The following MAGI1 variants were observed in gnomAD, a reference collection of about 807,000 sequenced individuals.
MAGI1 encodes membrane-associated guanylate kinase, WW and PDZ domain-containing protein 1.
MAGI1 carries 58 observed loss-of-function variants against 139.9 expected under a neutral mutation model. The ratio of observed to expected loss-of-function variants is 0.41; its 90% CI spans 0.34 to 0.52. MAGI1 has a LOEUF of 0.52. Among genes scored for constraint, MAGI1 ranks in the 20% least tolerant of loss-of-function variants. MAGI1 has a pLI of 0.12. For missense variants in MAGI1, 1,874 were observed against 1,901.6 expected, an observed-to-expected ratio of 0.99 and a Z score of 0.27; for synonymous variants, 812 against 737.9, an observed-to-expected ratio of 1.10 and a Z score of -1.63.
At chr3:65,828,690 T>C (rs2108284921) in intron 1 of MAGI1, among the ~76,000 whole-genome samples, 1 of 152,300 alleles carries the variant, frequency 6.6e-6, no homozygotes. Context: ...TTACCTTACA[T>C]TACAAAAGGA....
At chr3:65,531,191 T>C (rs1447658474) in intron 2 of MAGI1, among the ~76,000 whole-genome samples, 1 of 151,930 alleles carries the variant, frequency 6.6e-6, no homozygotes, top group Non-Finnish European at 1.5e-5. Context: ...CAACCCCAAA[T>C]GCTCCAATCC....
chr3:65,909,548 T>C (rs1284831572), intron 1 of MAGI1, among the ~76,000 whole-genome samples: 2 of 151,432 alleles, frequency 1.3e-5, no homozygotes, highest in African/African-American at 4.9e-5. Flanking sequence ...AAATAATAAT[T>C]AGGCCAGTGT....
At chr3:65,691,249 G>A (rs1219474811) in intron 1 of MAGI1, among the ~76,000 whole-genome samples, 1 of 145,826 alleles carries the variant, frequency 6.9e-6, no homozygotes, top group Non-Finnish European at 1.5e-5. Context: ...GTTGCAGTGA[G>A]CCGAGATCGC....
intron 12 of MAGI1, among the ~76,000 whole-genome samples, chr3:65,407,388 A>C (rs1041725448): frequency 2.6e-5 from 4 of 151,644 alleles, no homozygotes; most frequent in Admixed American, 6.6e-5. Flanking sequence ...CGGAGGCTGC[A>C]GTGAGCCAAG....
chr3:65,414,190 T>A (rs1946015636), intron 12 of MAGI1, among the ~76,000 whole-genome samples: 1 of 152,232 alleles, frequency 6.6e-6, no homozygotes, highest in Non-Finnish European at 1.5e-5. Context: ...TCATAAAGTT[T>A]CTGAGACTGC....
intron 1 of MAGI1, among the ~76,000 whole-genome samples, chr3:66,013,822 T>C (rs1300387677): frequency 2.0e-5 from 3 of 151,164 alleles, no homozygotes; most frequent in Non-Finnish European, 4.4e-5. Flanking sequence ...TGAAAAAGCA[T>C]GTTAGGGCCA....
At chr3:65,421,132 C>T (rs1946607582) in intron 12 of MAGI1, among the ~76,000 whole-genome samples, 1 of 152,170 alleles carries the variant, frequency 6.6e-6, no homozygotes. Flanking sequence ...TCATCTCTTG[C>T]TGTAAGTCAT....
At chr3:66,015,792 G>C (rs538968683) in intron 1 of MAGI1, among the ~76,000 whole-genome samples, 1 of 152,130 alleles carries the variant, frequency 6.6e-6, no homozygotes, top group South Asian at 2.1e-4. Context: ...AAGTTTATTG[G>C]AAAATGTCTA....
Position 65,785,126 on chromosome 3 carries a change from A to C in MAGI1, c.314-163038T>G, listed in dbSNP as rs376147617. On this transcript the variant is annotated intron_variant, in intron 1 of 22. Coordinates refer to ENST00000402939, the MANE Select transcript of MAGI1 (RefSeq NM_001033057.2). The stretch of plus-strand genomic sequence containing the variant: ...TTGTATGACATATTAGTTATATCTC[A>C]ATACCGCTATTTAAAATGTGATTTA... Among the ~76,000 whole-genome samples, 221 of 152,330 alleles carry C rather than the reference A, an allele frequency of 1.5e-3. 1 individual carries two copies. The highest frequency in any genetic ancestry group is 5.1e-3 in the African/African-American group (211 of 41,578).
At chr3:65,681,286 T>C (rs867482001) in intron 1 of MAGI1, among the ~76,000 whole-genome samples, 2 of 152,250 alleles carry the variant, frequency 1.3e-5, no homozygotes, top group Non-Finnish European at 2.9e-5. Flanking sequence ...GTCTCATTTA[T>C]AGACCACAAT....
At chr3:65,550,177 C>T (rs1296596980) in intron 2 of MAGI1, among the ~76,000 whole-genome samples, 1 of 152,154 alleles carries the variant, frequency 6.6e-6, no homozygotes, top group Non-Finnish European at 1.5e-5. Flanking sequence ...ACTCTTTAGC[C>T]TCAAATCTGA....
At chr3:65,472,280 T>C (rs749847321) in intron 4 of MAGI1, among the ~76,000 whole-genome samples, 1 of 152,150 alleles carries the variant, frequency 6.6e-6, no homozygotes, top group Non-Finnish European at 1.5e-5. Context: ...TTCTGGCATA[T>C]CTTTGGAAGG....
intron 1 of MAGI1, among the ~76,000 whole-genome samples, chr3:66,007,841 A>C (rs1264804440): frequency 6.6e-6 from 1 of 152,176 alleles, no homozygotes; most frequent in Non-Finnish European, 1.5e-5. Flanking sequence ...GGAGGAGGGA[A>C]GAATGTGTGC....
intron 1 of MAGI1, among the ~76,000 whole-genome samples, chr3:65,925,492 G>C (rs1354757975): frequency 1.3e-5 from 2 of 152,222 alleles, no homozygotes; most frequent in Admixed American, 1.3e-4. Flanking sequence ...GCAGAGTTAA[G>C]AGAAAAACAA....
At chr3:65,747,229 C>T (rs965405161) in intron 1 of MAGI1, among the ~76,000 whole-genome samples, 2 of 152,182 alleles carry the variant, frequency 1.3e-5, no homozygotes, top group African/African-American at 4.8e-5. Flanking sequence ...TCTGAGGAGT[C>T]TTAACACTTT....
intron 1 of MAGI1, among the ~76,000 whole-genome samples, chr3:65,758,235 T>C (rs572078615): frequency 3.3e-5 from 5 of 152,178 alleles, no homozygotes; most frequent in African/African-American, 1.2e-4. Flanking sequence ...CAGCAAGACA[T>C]AAAGCGGAGC....
chr3:65,453,375 G>GAAAAA, intron 5 of MAGI1, 35 bp from the exon 6 acceptor site: 1 of 838,462 alleles, frequency 1.2e-6, no homozygotes, highest in Non-Finnish European at 1.8e-6. Context: ...AAATTTGTTT[G>GAAAAA]AAAAAAAAAA....
In MAGI1 at chr3:65,666,737, C is replaced by T. The variant is rs542749536; in HGVS notation, c.314-44649G>A. Among the ~76,000 whole-genome samples the T allele has an allele frequency of 1.1e-4, 17 of 152,266 alleles. No homozygotes were observed. The East Asian group carries it at 2.3e-3, about 21-fold the overall frequency. The stretch of plus-strand genomic sequence containing the variant: ...CATAGAAAAAGATGAAACAACCTCC[C>T]CCTCATGGCCATCTCCACATTCTGA... On this transcript the variant is annotated intron_variant, in intron 1 of 22. Coordinates refer to ENST00000402939, the MANE Select transcript of MAGI1 (RefSeq NM_001033057.2).
chr3:65,361,859 A>G (rs1178056078), intron 21 of MAGI1, among the ~76,000 whole-genome samples: 1 of 152,230 alleles, frequency 6.6e-6, no homozygotes, highest in Non-Finnish European at 1.5e-5. Flanking sequence ...GGACTGCCCT[A>G]TAAGGCACTG....
Sources: gnomAD v4.1 joint callset for allele counts (sites outside exome capture counted in the v4.1 genomes callset) on GRCh38, gnomAD v4.1.1 for gene constraint, MANE v1.5 for transcripts, NCBI Gene and HGNC (gene_info 2026-07-23, HGNC 2026-07-21) for gene names.